Variants in XPO4 observed in about 807,000 individuals in gnomAD.
XPO4 encodes the protein exportin-4.
Under a neutral mutation model 143.0 loss-of-function variants are expected in XPO4, and 39 were observed. The ratio of observed to expected loss-of-function variants is 0.27; its 90% CI spans 0.21 to 0.36. The LOEUF (loss-of-function observed/expected upper bound fraction) is 0.36, where lower values mean the gene tolerates loss of function less well. Ranked by LOEUF, XPO4 falls within the 10% of genes least tolerant of loss-of-function variation. The pLI is 1.00. For missense variants in XPO4, 907 were observed against 1,348.0 expected, an observed-to-expected ratio of 0.67 and a Z score of 5.12; for synonymous variants, 439 against 474.0, an observed-to-expected ratio of 0.93 and a Z score of 0.96.
chr13:20,784,376 G>A (rs771815340), intron 22 of XPO4, among the ~76,000 whole-genome samples: 2 of 152,204 alleles, frequency 1.3e-5, no homozygotes, highest in Non-Finnish European at 2.9e-5. Flanking sequence ...ACAGCAATGT[G>A]CACAAAGACA....
chr13:20,895,617 G>C (rs1467683914), intron 1 of XPO4, among the ~76,000 whole-genome samples: 1 of 129,730 alleles, frequency 7.7e-6, no homozygotes, highest in Non-Finnish European at 1.6e-5. Flanking sequence ...GGGTGACAGA[G>C]CAAGACTCTG....
intron 1 of XPO4, among the ~76,000 whole-genome samples, chr13:20,886,849 G>A (rs552094814): frequency 8.6e-5 from 13 of 152,016 alleles, no homozygotes; most frequent in Non-Finnish European, 1.6e-4. Flanking sequence ...CAAGGCGGGC[G>A]TATCACCTGA....
At chr13:20,851,010 T>C in intron 4 of XPO4, 1 of 985,320 alleles carries the variant, frequency 1.0e-6, no homozygotes, top group Middle Eastern at 5.2e-4. Flanking sequence ...TAAAGAAAGT[T>C]TATAGCCAAT....
intron 9 of XPO4, among the ~76,000 whole-genome samples, chr13:20,815,908 A>T (rs909498267): frequency 1.3e-5 from 2 of 152,200 alleles, no homozygotes; most frequent in South Asian, 2.1e-4. Context: ...TTATAGACTC[A>T]CTTGGCAGAA....
intron 1 of XPO4, among the ~76,000 whole-genome samples, chr13:20,900,971 T>C (rs2060615607): frequency 6.6e-6 from 1 of 152,110 alleles, no homozygotes; most frequent in Non-Finnish European, 1.5e-5. Flanking sequence ...TCTGAAAAGA[T>C]AAAAAGCATT....
rs1294148547 is a variant in XPO4, at chr13:20,782,742, C to T, written c.*980G>A. On this transcript the variant is annotated 3_prime_UTR_variant, in exon 23 of 23. Transcript: ENST00000255305. The stretch of plus-strand genomic sequence containing the variant: ...GAAAGGGGCAACAGGTTCATAGCAG[C>T]TAACACCCTAAACCAACTCTGAAGC... 6.6e-6 allele frequency: 1 copy of T among 152,602 alleles called. No individual in the cohort carries two copies. The highest frequency in any genetic ancestry group is 6.5e-5 in the Admixed American group (1 of 15,274). The allele number at this position is 152,602 out of a possible 1,614,324, so 9.5% of individuals were successfully genotyped here. A position where few individuals can be genotyped will look rare whatever the true frequency, so the allele number is the denominator to read the frequency against.
intron 6 of XPO4, among the ~76,000 whole-genome samples, chr13:20,832,376 T>C (rs1434375211): frequency 6.6e-6 from 1 of 152,194 alleles, no homozygotes; most frequent in East Asian, 1.9e-4. Flanking sequence ...AGGGTATCGT[T>C]TTGTGATTGT....
chr13:20,790,787 C>T (rs1422472649), intron 18 of XPO4, among the ~76,000 whole-genome samples: 1 of 152,044 alleles, frequency 6.6e-6, no homozygotes, highest in African/African-American at 2.4e-5. Flanking sequence ...ATCTGAGACC[C>T]CAGCCCTGTG....
chr13:20,822,584 C>G (rs2059734030), intron 7 of XPO4, among the ~76,000 whole-genome samples: 1 of 152,206 alleles, frequency 6.6e-6, no homozygotes, highest in Non-Finnish European at 1.5e-5. Context: ...AGACATACTG[C>G]TTCTTCTAAA....
intron 6 of XPO4, among the ~76,000 whole-genome samples, chr13:20,830,228 C>T (rs1009545040): frequency 6.6e-6 from 1 of 152,136 alleles, no homozygotes; most frequent in Non-Finnish European, 1.5e-5. Context: ...TTACACGTGG[C>T]CACGAGCATG....
At chr13:20,806,830 C>T (rs1254102013) in intron 13 of XPO4, among the ~76,000 whole-genome samples, 2 of 152,044 alleles carry the variant, frequency 1.3e-5, no homozygotes, top group East Asian at 1.9e-4. Context: ...GGATTGCAGG[C>T]GTGAGCCACT....
chr13:20,783,553 C>T lies in XPO4; in HGVS notation c.*169G>A, dbSNP rs578232718. The T allele has an allele frequency of 2.0e-4, 129 of 644,168 alleles. No individual in the cohort carries two copies. Among genetic ancestry groups the T allele is most frequent in the Non-Finnish European group, 3.3e-4 (121 of 369,718 alleles). The allele number at this position is 644,168 out of a possible 1,614,324, so 39.9% of individuals were successfully genotyped here. On this transcript the variant is annotated 3_prime_UTR_variant, in exon 23 of 23. Transcript: ENST00000255305. ...TAACACTTAACAGCAGAAGCTGATGCCAAGTTGACCTCTCCTGTTTCACTG... is the reference window on the plus strand; with the variant it reads ...TAACACTTAACAGCAGAAGCTGATGTCAAGTTGACCTCTCCTGTTTCACTG...
chr13:20,844,299 A>C (rs189416720), intron 4 of XPO4, among the ~76,000 whole-genome samples: 353 of 152,352 alleles, frequency 2.3e-3, no homozygotes, highest in African/African-American at 7.6e-3. Flanking sequence ...CTGAGATTTC[A>C]ACCCATGTTT....
chr13:20,861,780 T>C (rs1210839107), intron 3 of XPO4, among the ~76,000 whole-genome samples: 12 of 52,096 alleles, frequency 2.3e-4, no homozygotes, highest in South Asian at 1.4e-3. Context: ...TTTCTCTCTT[T>C]TTTTTTTTTT....
rs189152343 is a variant in XPO4, at chr13:20,844,423, T to G, written c.457-537A>C. 3.3e-3 allele frequency among the ~76,000 whole-genome samples: 509 copies of G among 152,188 alleles called. 4 individuals are homozygous for G. The highest frequency in any genetic ancestry group is 0.012 in the African/African-American group (489 of 41,542). On this transcript the variant is annotated intron_variant, in intron 4 of 22. Coordinates refer to ENST00000255305, the MANE Select transcript of XPO4 (RefSeq NM_022459.5). ...CCCAAAAGTTTTTTAAATAGAAAAATGAAGATTTTTCTTCTCATTGGTTCT... is the reference window on the plus strand; with the variant it reads ...CCCAAAAGTTTTTTAAATAGAAAAAGGAAGATTTTTCTTCTCATTGGTTCT...
intron 4 of XPO4, chr13:20,848,612 A>G: frequency 1.0e-6 from 1 of 985,382 alleles, no homozygotes; most frequent in Middle Eastern, 5.2e-4. Flanking sequence ...TGCAAAATTA[A>G]AATTACTAAA....
intron 1 of XPO4, among the ~76,000 whole-genome samples, chr13:20,891,852 G>C (rs774158559): frequency 2.1e-5 from 3 of 140,130 alleles, no homozygotes; most frequent in Non-Finnish European, 4.7e-5. Context: ...GACAGAGCAA[G>C]ACTCCATCTC....
chr13:20,800,128 C>T (rs577022587), intron 15 of XPO4, 28 bp downstream of exon 15: 3 of 1,613,034 alleles, frequency 1.9e-6, no homozygotes, highest in East Asian at 2.2e-5. Context: ...CACATACACA[C>T]ACAGTCAGCC....
At chr13:20,792,203 C>T (rs191951434) in intron 18 of XPO4, among the ~76,000 whole-genome samples, 3 of 152,150 alleles carry the variant, frequency 2.0e-5, no homozygotes, top group Non-Finnish European at 2.9e-5. Flanking sequence ...CCCAGCACTT[C>T]GGGAGGCTGA....
Sources: allele counts gnomAD v4.1 joint callset (sites outside exome capture counted in the v4.1 genomes callset), GRCh38; gene constraint gnomAD v4.1.1; transcripts MANE v1.5; gene names NCBI Gene and HGNC (gene_info 2026-07-23, HGNC 2026-07-21).